Variants in KCNT1 observed in about 807,000 individuals in gnomAD.
KCNT1 encodes the protein potassium sodium-activated channel subfamily T member 1.
A neutral mutation model predicts 147.8 loss-of-function variants in KCNT1; 78 were observed. The ratio of observed to expected loss-of-function variants is 0.53; its 90% CI spans 0.44 to 0.64. The LOEUF (loss-of-function observed/expected upper bound fraction) is 0.64. Ranked by LOEUF, KCNT1 falls within the 30% of genes least tolerant of loss-of-function variation. The pLI, the probability that KCNT1 is intolerant of heterozygous loss-of-function variation, is 0.00. For missense variants in KCNT1, 1,419 were observed against 1,750.3 expected, an observed-to-expected ratio of 0.81 and a Z score of 3.38; for synonymous variants, 867 against 748.8, an observed-to-expected ratio of 1.16 and a Z score of -2.58.
chr9:135,711,200 A>G (rs77451739), intron 1 of KCNT1, among the ~76,000 whole-genome samples: 5,083 of 152,298 alleles, frequency 0.033, 277 homozygotes, highest in African/African-American at 0.12. Context: ...GCAGCCTCAC[A>G]TTCCCAACTG....
chr9:135,778,504 T>A lies in KCNT1; in HGVS notation c.2594+9T>A, dbSNP rs757677070. 1 of 1,582,760 alleles carries A rather than the reference T, an allele frequency of 6.3e-7. No individual in the cohort carries two copies. The highest frequency in any genetic ancestry group is 8.6e-7 in the Non-Finnish European group (1 of 1,164,424). ...GAGGGCTCTGTGGACAAGTAAGGCG[T>A]GGCCGGCCGAGGCTCGTGGGGGCTC... On this transcript the variant is annotated intron_variant, in intron 22 of 30. Transcript: ENST00000371757.
intron 1 of KCNT1, among the ~76,000 whole-genome samples, chr9:135,705,893 A>G (rs1835233259): frequency 7.5e-6 from 1 of 133,700 alleles, no homozygotes; most frequent in African/African-American, 2.8e-5. Flanking sequence ...TGCTCCCTAG[A>G]TCGGGGGCGG....
chr9:135,748,940 C>T (rs997410145), intron 2 of KCNT1, among the ~76,000 whole-genome samples: 4 of 145,168 alleles, frequency 2.8e-5, no homozygotes, highest in Admixed American at 2.0e-4. Flanking sequence ...ATGGAGGGCA[C>T]AGGGCCATGG....
At chr9:135,741,670 C>A (rs1246261939) in intron 2 of KCNT1, among the ~76,000 whole-genome samples, 1 of 152,210 alleles carries the variant, frequency 6.6e-6, no homozygotes. Flanking sequence ...GGGCTAGGGG[C>A]ACCAGGAGGG....
intron 2 of KCNT1, among the ~76,000 whole-genome samples, chr9:135,739,522 C>A (rs1408227434): frequency 2.0e-5 from 3 of 151,998 alleles, no homozygotes; most frequent in African/African-American, 7.2e-5. Flanking sequence ...TCTCCAAGAA[C>A]CTGGCTGCTC....
At chr9:135,779,569 G>A (rs1833456715) in intron 24 of KCNT1, 99 bp downstream of exon 24, 2 of 885,812 alleles carry the variant, frequency 2.3e-6, no homozygotes, top group Non-Finnish European at 3.7e-6. Context: ...TGGGAGGCTG[G>A]GCTCCTGCCG....
At chr9:135,725,618 G>C (rs534406866) in intron 2 of KCNT1, among the ~76,000 whole-genome samples, 1 of 152,146 alleles carries the variant, frequency 6.6e-6, no homozygotes, top group Admixed American at 6.5e-5. Context: ...TTGTGGTATT[G>C]AGCCCCAGGA....
intron 1 of KCNT1, among the ~76,000 whole-genome samples, chr9:135,706,055 G>A (rs1045025941): frequency 1.3e-5 from 2 of 152,218 alleles, no homozygotes; most frequent in African/African-American, 2.4e-5. Context: ...TGGGAACTGT[G>A]TCTGTGAGGT....
chr9:135,778,424 G>A lies in KCNT1; in HGVS notation c.2523G>A (p.Lys841=). The A allele has an allele frequency of 6.4e-7, 1 of 1,550,796 alleles. No homozygotes were observed. The highest frequency in any genetic ancestry group is 8.7e-7 in the Non-Finnish European group (1 of 1,147,004). The change falls in exon 22 of 31, where the codon AAG becomes AAA. Residue 841 remains lysine, a splice_region_variant and synonymous_variant. Coordinates refer to ENST00000371757, the MANE Select transcript of KCNT1 (RefSeq NM_020822.3). Reference sequence around the variant, plus strand: ...CCCTCCAGGACCGCTGTCCCCACAGGCCCGACCACCACTTCCTGGAAGCCA... The same window carrying A: ...CCCTCCAGGACCGCTGTCCCCACAGACCCGACCACCACTTCCTGGAAGCCA... ...LNPIVLLLDN[K]PDHHFLEAIC... is the part of the protein sequence containing the mutation.
intron 4 of KCNT1, among the ~76,000 whole-genome samples, chr9:135,751,601 C>T (rs1363510239): frequency 2.0e-5 from 3 of 152,194 alleles, no homozygotes; most frequent in Admixed American, 2.0e-4. Flanking sequence ...TGGGAACTTG[C>T]TCTCTCTGAG....
rs529867254 is a variant in KCNT1, at chr9:135,702,244, G to C, written c.-15G>C. On this transcript the variant is annotated 5_prime_UTR_variant, in exon 1 of 31. Coordinates refer to ENST00000371757, the MANE Select transcript of KCNT1 (RefSeq NM_020822.3). ...CTCGCTTCTCCCTCGGGTCGGGTCC[G>C]AGCTGCCAGGCCGCATGCCACTCCC... 7 of 1,598,392 alleles carry C rather than the reference G, an allele frequency of 4.4e-6. No individual in the cohort carries two copies. The highest frequency in any genetic ancestry group is 4.3e-6 in the Non-Finnish European group (5 of 1,168,848).
Position 135,753,939 on chromosome 9 carries a change from G to T in KCNT1, c.437G>T (p.Trp146Leu). The T allele has an allele frequency of 6.2e-7, 1 of 1,614,090 alleles. No homozygotes were observed. Among genetic ancestry groups the T allele is most frequent in the Non-Finnish European group, 8.5e-7 (1 of 1,179,978 alleles). The part of the protein sequence containing the change: ...LDDPALGIGC[W>L]GCPKQNYSFN... ...GCCAGCGCTGTGTCTCTCCACAGCTGGGGCTGCCCAAAGCAGAACTACTCC... is the reference window on the plus strand; with the variant it reads ...GCCAGCGCTGTGTCTCTCCACAGCTTGGGCTGCCCAAAGCAGAACTACTCC... The change falls in exon 5 of 31, where the codon TGG (tryptophan) becomes TTG (leucine). Residue 146 changes from tryptophan (W) to leucine (L), a missense_variant and splice_region_variant. Coordinates refer to ENST00000371757, the MANE Select transcript of KCNT1 (RefSeq NM_020822.3).
Position 135,757,330 on chromosome 9 carries a change from CCCCGTCTTT to C in KCNT1, c.710_718del (p.Pro237_Phe239del). On this transcript the variant is annotated inframe_deletion, in exon 9 of 31. Transcript: ENST00000371757. ...GGCCGCCGCTGCGGAACCTGTTCAT[CCCCGTCTTT>C]CTGAACTGCTGGCTGGCCAAGCACG... 1 of 1,611,864 alleles carries C rather than the reference CCCCGTCTTT, an allele frequency of 6.2e-7. No homozygotes were observed. Among genetic ancestry groups the C allele is most frequent in the Non-Finnish European group, 8.5e-7 (1 of 1,179,996 alleles).
At chr9:135,785,385 C>T (rs750984558) in intron 28 of KCNT1, 55 bp downstream of exon 28, 1 of 1,608,444 alleles carries the variant, frequency 6.2e-7, no homozygotes, top group Non-Finnish European at 8.5e-7. Context: ...AACATCGCAG[C>T]TTCACATGGA....
chr9:135,720,227 G>A (rs947244676), intron 2 of KCNT1, among the ~76,000 whole-genome samples: 12 of 151,990 alleles, frequency 7.9e-5, no homozygotes, highest in East Asian at 3.9e-4. Context: ...CAGCTGCCCC[G>A]CAGGGACAGG....
chr9:135,790,493 T>G (rs1834413801), intron 29 of KCNT1: 3 of 152,422 alleles, frequency 2.0e-5, no homozygotes, highest in Admixed American at 2.0e-4. Context: ...GCGAAAGGCC[T>G]GAAGCAGAGC....
At chr9:135,779,284 CATG>C (rs1833426656) in intron 23 of KCNT1, 72 bp from the exon 24 acceptor site, 7 of 891,084 alleles carry the variant, frequency 7.9e-6, no homozygotes, top group Non-Finnish European at 1.3e-5. Context: ...CCCACAGCCA[CATG>C]ATCATGGGCC....
intron 30 of KCNT1, 35 bp downstream of exon 30, chr9:135,791,916 C>T (rs767562048): frequency 2.2e-5 from 36 of 1,612,402 alleles, no homozygotes; most frequent in Non-Finnish European, 2.8e-5. Context: ...GGAGACCCCC[C>T]CTGAGCACCA....
intron 1 of KCNT1, among the ~76,000 whole-genome samples, chr9:135,713,410 G>A (rs1588253673): frequency 6.6e-6 from 1 of 152,232 alleles, no homozygotes; most frequent in African/African-American, 2.4e-5. Context: ...TTCAGCCTGG[G>A]GTGCCCATAG....
Sources: gnomAD v4.1 joint callset for allele counts (sites outside exome capture counted in the v4.1 genomes callset) on GRCh38, gnomAD v4.1.1 for gene constraint, MANE v1.5 for transcripts, NCBI Gene and HGNC (gene_info 2026-07-23, HGNC 2026-07-21) for gene names.